Variants in VPS35L observed in about 807,000 individuals in gnomAD.
VPS35L encodes the protein VPS35 endosomal protein-sorting factor-like.
In VPS35L, 83 loss-of-function variants were observed where a neutral mutation model predicts 133.0. The ratio of observed to expected loss-of-function variants is 0.62; its 90% CI spans 0.52 to 0.75. VPS35L has a LOEUF of 0.75. VPS35L is among the 30% of genes least tolerant of loss of function. VPS35L has a pLI of 0.00. For missense variants in VPS35L, 1,083 were observed against 1,206.8 expected (o/e 0.90, Z 1.52); for synonymous variants, 423 against 449.9 (o/e 0.94, Z 0.76).
Position 19,633,687 on chromosome 16 carries a change from A to G in VPS35L, c.1635+515A>G, listed in dbSNP as rs1431838216. Among the ~76,000 whole-genome samples the G allele has an allele frequency of 6.6e-6, 1 of 151,890 alleles. No homozygotes were observed. Among genetic ancestry groups the G allele is most frequent in the African/African-American group, 2.4e-5 (1 of 41,336 alleles). ...TTAAAAGAAAGCTCAAAGAATTCCT[A>G]TTATTCTTTAACCAGATTTACTAGC... On this transcript the variant is annotated intron_variant, in intron 19 of 30. Transcript: ENST00000417362. This position sits in a 1 kb window ranked among gnomAD's most constrained non-coding sequence, Gnocchi z 4.1.
chr16:19,558,458 G>A (rs973347310), intron 1 of VPS35L, among the ~76,000 whole-genome samples: 2 of 152,158 alleles, frequency 1.3e-5, no homozygotes, highest in Non-Finnish European at 2.9e-5. Context: ...TCTGGCTTGC[G>A]GGGTTCCCCA....
chr16:19,602,756 C>T (rs1012282618), intron 9 of VPS35L, among the ~76,000 whole-genome samples: 13 of 152,218 alleles, frequency 8.5e-5, no homozygotes, highest in African/African-American at 3.1e-4. Flanking sequence ...GTGCCTGCCA[C>T]CACACCTGGC....
chr16:19,607,948 G>A (rs1157980417), intron 9 of VPS35L: 3 of 490,136 alleles, frequency 6.1e-6, no homozygotes, highest in East Asian at 6.4e-5. Context: ...TTGCTATATG[G>A]GATCAGGTGA....
chr16:19,665,684 G>A (rs1567469273), intron 26 of VPS35L, among the ~76,000 whole-genome samples: 1 of 152,186 alleles, frequency 6.6e-6, no homozygotes, highest in Non-Finnish European at 1.5e-5. Context: ...TTTCTTTTGG[G>A]GGTAAATCCA....
chr16:19,692,116 T>C (rs182733443), intron 29 of VPS35L, among the ~76,000 whole-genome samples: 4 of 152,156 alleles, frequency 2.6e-5, no homozygotes, highest in Admixed American at 1.3e-4. Flanking sequence ...GACCCTGTGA[T>C]CCGCCTACCT....
At chr16:19,682,198 T>C in intron 27 of VPS35L, 27 bp from the exon 28 acceptor site, 1 of 1,605,270 alleles carries the variant, frequency 6.2e-7, no homozygotes, top group South Asian at 1.1e-5. Flanking sequence ...TTTGGGATTA[T>C]TTATCCTTTT....
chr16:19,566,331 A>T (rs1971188423), intron 2 of VPS35L, among the ~76,000 whole-genome samples: 1 of 152,106 alleles, frequency 6.6e-6, no homozygotes, highest in South Asian at 2.1e-4. Flanking sequence ...CCCCATCTCT[A>T]CTAAAAATAT....
At chr16:19,693,699 G>A (rs532786855) in intron 29 of VPS35L, among the ~76,000 whole-genome samples, 23 of 151,656 alleles carry the variant, frequency 1.5e-4, no homozygotes, top group South Asian at 6.3e-4. Context: ...CAGAAGAATC[G>A]CTTAAACCCG....
intron 27 of VPS35L, among the ~76,000 whole-genome samples, chr16:19,675,478 G>A (rs1310895775): frequency 6.6e-6 from 1 of 152,096 alleles, no homozygotes; most frequent in Non-Finnish European, 1.5e-5. Context: ...AATTTGTTTG[G>A]ATATGTACCC....
At chr16:19,558,479 C>T (rs928152075) in intron 1 of VPS35L, among the ~76,000 whole-genome samples, 1 of 152,198 alleles carries the variant, frequency 6.6e-6, no homozygotes, top group African/African-American at 2.4e-5. Flanking sequence ...AATCCCACTG[C>T]CTTGTCATGG....
rs199726251 is a variant in VPS35L at position 19,610,345 on chromosome 16, G to A, written c.953G>A (p.Arg318Gln). Residue 318 changes from arginine to glutamine, a missense_variant, in exon 12 of 31, where the codon CGG (arginine) becomes CAG (glutamine). Transcript: ENST00000417362. ...AGGGGAATTTCAGAGTGCCTGCCCC[G>A]GTTGACATGCATGATCAGAGGGATC... is the stretch of plus-strand genomic sequence containing the variant. ...SKTGISECLP[R>Q]LTCMIRGIGD... 1.5e-4 allele frequency: 247 copies of A among 1,614,030 alleles called. No homozygotes were observed. In the Admixed American group the frequency reaches 3.3e-3, roughly 22 times the overall value.
At chr16:19,618,675 C>T (rs1199879307) in intron 14 of VPS35L, among the ~76,000 whole-genome samples, 1 of 152,116 alleles carries the variant, frequency 6.6e-6, no homozygotes, top group Non-Finnish European at 1.5e-5. Flanking sequence ...TAACTTGTTC[C>T]TAACCACTCT....
chr16:19,569,327 C>G (rs1316547058), intron 2 of VPS35L, 97 bp from the exon 3 acceptor site: 1 of 1,343,390 alleles, frequency 7.4e-7, no homozygotes, highest in Non-Finnish European at 1.1e-6. Flanking sequence ...ATGAACCATC[C>G]ATTCAACTAC....
chr16:19,582,419 C>G (rs1297212141), intron 7 of VPS35L, among the ~76,000 whole-genome samples: 1 of 152,160 alleles, frequency 6.6e-6, no homozygotes, highest in Non-Finnish European at 1.5e-5. Context: ...CTCACCTGTT[C>G]TTTTGAAAGA....
intron 14 of VPS35L, chr16:19,617,279 G>T: frequency 3.5e-6 from 1 of 288,450 alleles, no homozygotes; most frequent in Non-Finnish European, 6.6e-6. Context: ...GACCACTTGA[G>T]CCCCAGAGTT....
intron 27 of VPS35L, among the ~76,000 whole-genome samples, chr16:19,669,947 A>G (rs904462288): frequency 2.0e-5 from 3 of 152,148 alleles, no homozygotes; most frequent in African/African-American, 4.8e-5. Flanking sequence ...CTGGGATTAC[A>G]GGTGTGAGCC....
At chr16:19,625,232 C>T (rs1357984670) in intron 14 of VPS35L, among the ~76,000 whole-genome samples, 1 of 152,204 alleles carries the variant, frequency 6.6e-6, no homozygotes, top group East Asian at 1.9e-4. Flanking sequence ...GTGAAAAACA[C>T]TGCTATTCGT....
intron 2 of VPS35L, among the ~76,000 whole-genome samples, chr16:19,568,457 A>G (rs374991304): frequency 1.3e-5 from 2 of 150,712 alleles, no homozygotes. Flanking sequence ...TTGATTATTC[A>G]TTCGGTCTCC....
chr16:19,600,050 G>A (rs1254956064), intron 8 of VPS35L, among the ~76,000 whole-genome samples: 1 of 151,976 alleles, frequency 6.6e-6, no homozygotes, highest in Non-Finnish European at 1.5e-5. Flanking sequence ...AGTGAATGAA[G>A]GAATGAATGT....
Sources: gnomAD v4.1 joint callset for allele counts (sites outside exome capture counted in the v4.1 genomes callset) on GRCh38, gnomAD v4.1.1 for gene constraint, Gnocchi (gnomAD v3.1) non-coding constraint, MANE v1.5 for transcripts, NCBI Gene and HGNC (gene_info 2026-07-23, HGNC 2026-07-21) for gene names.